CLASP1: variants seen among roughly 807,000 people sequenced by gnomAD.
CLASP1 encodes the protein CLIP-associating protein 1.
CLASP1 carries 38 observed loss-of-function variants against 192.3 expected under a neutral mutation model. The ratio of observed to expected loss-of-function variants is 0.20; its 90% CI spans 0.15 to 0.26. The LOEUF (loss-of-function observed/expected upper bound fraction) is 0.26, where lower values mean the gene tolerates loss of function less well. Among genes scored for constraint, CLASP1 ranks in the 10% least tolerant of loss-of-function variants. The pLI is 1.00. For missense variants in CLASP1, 1,433 were observed against 1,932.5 expected, an observed-to-expected ratio of 0.74 and a Z score of 4.85; for synonymous variants, 691 against 712.8, an observed-to-expected ratio of 0.97 and a Z score of 0.49.
At chr2:121,466,324 C>T (rs1344253845) in intron 9 of CLASP1, among the ~76,000 whole-genome samples, 1 of 152,160 alleles carries the variant, frequency 6.6e-6, no homozygotes, top group African/African-American at 2.4e-5. Flanking sequence ...AACATTCCTA[C>T]AGCTCCTCTA....
At chr2:121,579,870 T>A (rs990656083) in intron 2 of CLASP1, among the ~76,000 whole-genome samples, 1 of 152,072 alleles carries the variant, frequency 6.6e-6, no homozygotes, top group African/African-American at 2.4e-5. Context: ...CACGAAAAAA[T>A]AAACTAAATG....
chr2:121,355,736 G>A (rs2065267147), intron 37 of CLASP1, among the ~76,000 whole-genome samples: 2 of 152,160 alleles, frequency 1.3e-5, no homozygotes, highest in African/African-American at 4.8e-5. Flanking sequence ...AGTCAACATG[G>A]GCAGCAGAAA....
At chr2:121,399,552 G>A (rs1220713904) in intron 28 of CLASP1, among the ~76,000 whole-genome samples, 7 of 152,192 alleles carry the variant, frequency 4.6e-5, no homozygotes, top group Non-Finnish European at 2.9e-5. Context: ...AAACTGAGAA[G>A]CAATTCTCAG....
chr2:121,481,917 C>G (rs560813756), intron 8 of CLASP1, among the ~76,000 whole-genome samples: 1 of 152,266 alleles, frequency 6.6e-6, no homozygotes, highest in African/African-American at 2.4e-5. Context: ...TGGGAACACA[C>G]ACAATCAACA....
exon 40 of CLASP1, chr2:121,337,930 G>T (rs1032733248): frequency 7.5e-6 from 1 of 133,094 alleles, no homozygotes; most frequent in South Asian, 2.6e-4. Context: ...AGATATGGAT[G>T]TAACATGAAA....
chr2:121,593,514 G>A (rs1372953603), intron 2 of CLASP1, among the ~76,000 whole-genome samples: 1 of 151,768 alleles, frequency 6.6e-6, no homozygotes, highest in Non-Finnish European at 1.5e-5. Flanking sequence ...AGCTACTTGG[G>A]AGGCTGAGGC....
At chr2:121,556,509 C>T (rs1427970008) in intron 2 of CLASP1, among the ~76,000 whole-genome samples, 1 of 152,168 alleles carries the variant, frequency 6.6e-6, no homozygotes. Flanking sequence ...GCTCTCTGCA[C>T]CGGGTGCTCT....
intron 8 of CLASP1, among the ~76,000 whole-genome samples, chr2:121,497,845 G>C (rs144313478): frequency 6.6e-6 from 1 of 152,016 alleles, no homozygotes; most frequent in South Asian, 2.1e-4. Context: ...CCAGCCTCCC[G>C]AATAGCTAGG....
chr2:121,531,410 A>G (rs2094870865), intron 2 of CLASP1, among the ~76,000 whole-genome samples: 1 of 151,914 alleles, frequency 6.6e-6, no homozygotes, highest in African/African-American at 2.4e-5. Flanking sequence ...CCTGGCTAAC[A>G]CAGTGAAACT....
intron 2 of CLASP1, among the ~76,000 whole-genome samples, chr2:121,577,548 G>A (rs1008683900): frequency 2.0e-5 from 3 of 152,188 alleles, no homozygotes; most frequent in Non-Finnish European, 4.4e-5. Flanking sequence ...GTTCCCCACA[G>A]TGTGGGCATC....
intron 6 of CLASP1, among the ~76,000 whole-genome samples, chr2:121,523,972 T>C (rs2104610172): frequency 6.6e-6 from 1 of 152,314 alleles, no homozygotes; most frequent in South Asian, 2.1e-4. Context: ...AGCCATGCAG[T>C]GCTCCCCTCC....
At chr2:121,492,148 G>A (rs993178040) in intron 8 of CLASP1, among the ~76,000 whole-genome samples, 6 of 152,138 alleles carry the variant, frequency 3.9e-5, no homozygotes, top group African/African-American at 1.4e-4. Context: ...CCAGCACTTT[G>A]GGAGGCCGAG....
At chr2:121,463,440 T>C (rs747754780) in intron 9 of CLASP1, among the ~76,000 whole-genome samples, 3 of 152,170 alleles carry the variant, frequency 2.0e-5, no homozygotes, top group Non-Finnish European at 4.4e-5. Context: ...GTGTCATCAC[T>C]CTTGCTGAAG....
chr2:121,494,302 A>G (rs980779083), intron 8 of CLASP1, among the ~76,000 whole-genome samples: 3 of 152,242 alleles, frequency 2.0e-5, no homozygotes, highest in East Asian at 1.9e-4. Flanking sequence ...TTGCAACAAC[A>G]TGGATGGAAC....
intron 33 of CLASP1, among the ~76,000 whole-genome samples, chr2:121,381,351 A>G (rs77627706): frequency 0.051 from 7,759 of 151,614 alleles, 664 homozygotes; most frequent in African/African-American, 0.18. Context: ...ATTATAGAGG[A>G]TAGAAACTCA....
At position 121,429,079 on chromosome 2, in the gene CLASP1, A is replaced by G. The variant is rs113793314; in HGVS notation, c.2017+994T>C. On this transcript the variant is annotated intron_variant, in intron 20 of 39. Transcript: ENST00000263710. ...CTGTAGCCTCACCAAAGGCAGCACT[A>G]TAACTGATCTTCTGCTTTCTTTGCA... Among the ~76,000 whole-genome samples, 16 of 152,354 alleles carry G rather than the reference A, an allele frequency of 1.1e-4. 1 individual carries two copies. Among genetic ancestry groups the G allele is most frequent in the African/African-American group, 3.4e-4 (14 of 41,584 alleles).
intron 35 of CLASP1, among the ~76,000 whole-genome samples, chr2:121,366,757 A>G (rs769755603): frequency 3.2e-4 from 49 of 152,378 alleles, no homozygotes; most frequent in East Asian, 7.7e-4. Context: ...CTTCAAAACA[A>G]TATTTTTTTA....
At chr2:121,459,150 TG>T (rs2087322189) in intron 12 of CLASP1, among the ~76,000 whole-genome samples, 175 bp from the exon 13 acceptor site, 1 of 146,972 alleles carries the variant, frequency 6.8e-6, no homozygotes, top group African/African-American at 2.4e-5. Flanking sequence ...AAAGTTTTGT[TG>T]TTTTTTTTTT....
exon 19 of CLASP1, chr2:121,447,363 A>G: frequency 6.3e-7 from 1 of 1,591,132 alleles, no homozygotes; most frequent in Admixed American, 1.8e-5. Flanking sequence ...CCCTGGAGGC[A>G]AAGCTGCTGC....
Sources: gnomAD v4.1 joint callset for allele counts (sites outside exome capture counted in the v4.1 genomes callset) on GRCh38, gnomAD v4.1.1 for gene constraint, MANE v1.5 for transcripts, NCBI Gene and HGNC (gene_info 2026-07-23, HGNC 2026-07-21) for gene names.